Variants in CSMD2 observed in about 807,000 individuals in gnomAD.
CSMD2 encodes the protein CUB and sushi domain-containing protein 2.
In CSMD2, 130 loss-of-function variants were observed where a neutral mutation model predicts 398.5. That is an observed-to-expected ratio of 0.33 (90% CI 0.28 to 0.38). The LOEUF is 0.38. Among genes scored for constraint, CSMD2 ranks in the 10% least tolerant of loss-of-function variants. CSMD2 has a pLI of 1.00. For missense variants in CSMD2, 3,829 were observed against 4,764.9 expected (o/e 0.80, Z 5.78); for synonymous variants, 1,828 against 1,908.5 (o/e 0.96, Z 1.10).
At chr1:34,086,214 T>C (rs1309924300) in intron 2 of CSMD2, among the ~76,000 whole-genome samples, 1 of 152,062 alleles carries the variant, frequency 6.6e-6, no homozygotes, top group Non-Finnish European at 1.5e-5. Flanking sequence ...CTTTCAAACA[T>C]GCATTCAACA....
intron 2 of CSMD2, among the ~76,000 whole-genome samples, chr1:34,074,998 T>C (rs1006897191): frequency 6.6e-6 from 1 of 152,234 alleles, no homozygotes; most frequent in Non-Finnish European, 1.5e-5. Context: ...CCTGATTATT[T>C]AACTGTCTCC....
chr1:33,718,514 G>T (rs1433516907), intron 19 of CSMD2, among the ~76,000 whole-genome samples: 1 of 152,206 alleles, frequency 6.6e-6, no homozygotes, highest in Non-Finnish European at 1.5e-5. Flanking sequence ...ATGGTGCCAG[G>T]ACAGGAACTC....
intron 2 of CSMD2, among the ~76,000 whole-genome samples, chr1:34,057,375 A>G (rs1653951734): frequency 6.6e-6 from 1 of 151,822 alleles, no homozygotes; most frequent in Non-Finnish European, 1.5e-5. Context: ...CTTCTCCTAG[A>G]CCCCTAAGCC....
At chr1:33,831,646 A>C (rs919964595) in intron 6 of CSMD2, among the ~76,000 whole-genome samples, 9 of 152,146 alleles carry the variant, frequency 5.9e-5, no homozygotes, top group African/African-American at 2.2e-4. Context: ...GACAGGATCA[A>C]ATTCACACAT....
chr1:33,591,126 T>C (rs1238024614), intron 44 of CSMD2, among the ~76,000 whole-genome samples: 3 of 151,638 alleles, frequency 2.0e-5, no homozygotes, highest in Admixed American at 1.3e-4. Flanking sequence ...GTAGCTGGGA[T>C]TACAGGCATG....
chr1:33,961,570 C>T (rs945179483), intron 3 of CSMD2, among the ~76,000 whole-genome samples: 1 of 152,158 alleles, frequency 6.6e-6, no homozygotes, highest in Non-Finnish European at 1.5e-5. Flanking sequence ...CCTTCAGGGG[C>T]CTCATCAGTG....
In CSMD2 at chr1:33,636,988, AC is replaced by A. The variant is rs1172893696; in HGVS notation, c.4775-435del. On this transcript the variant is annotated intron_variant, in intron 29 of 70. Transcript: ENST00000373381. The surrounding 1 kb of genome is among the most constrained non-coding windows in gnomAD (Gnocchi z 4.8). ...CAGCCCATCACTTTACTCATCTTTG[AC>A]CCCCCACACTCAGCAGCCTCCTGGC... 1.3e-5 allele frequency among the ~76,000 whole-genome samples: 2 copies of A among 151,050 alleles called. No homozygotes were observed. Among genetic ancestry groups the A allele is most frequent in the East Asian group, 1.9e-4 (1 of 5,172 alleles).
At chr1:33,922,990 T>C (rs1457244667) in intron 4 of CSMD2, among the ~76,000 whole-genome samples, 1 of 152,246 alleles carries the variant, frequency 6.6e-6, no homozygotes, top group Admixed American at 6.5e-5. Context: ...GATATATGTA[T>C]GTATTGTGGA....
chr1:33,636,275 C>G lies in CSMD2; in HGVS notation c.4969+85G>C. 1.5e-6 allele frequency: 2 copies of G among 1,361,470 alleles called. No individual in the cohort carries two copies. The highest frequency in any genetic ancestry group is 1.4e-5 in the South Asian group (1 of 70,916). The allele number at this position is 1,361,470 out of a possible 1,614,324, so 84.3% of individuals were successfully genotyped here. ...GGAGCCGGGCTTGAGGACCTTGCCCCCCTCCCTTCCCCAGCCCACAGCACC... is the reference window on the plus strand; with the variant it reads ...GGAGCCGGGCTTGAGGACCTTGCCCGCCTCCCTTCCCCAGCCCACAGCACC... On this transcript the variant is annotated intron_variant, in intron 30 of 70. Transcript: ENST00000373381. This position sits in a 1 kb window ranked among gnomAD's most constrained non-coding sequence, Gnocchi z 4.8.
At chr1:33,676,281 G>A (rs980800511) in intron 25 of CSMD2, among the ~76,000 whole-genome samples, 18 of 152,256 alleles carry the variant, frequency 1.2e-4, no homozygotes, top group African/African-American at 4.1e-4. Context: ...CAAAATCAAT[G>A]TGCAAAAATC....
chr1:34,089,555 A>G (rs1283640619), intron 1 of CSMD2, among the ~76,000 whole-genome samples: 1 of 152,096 alleles, frequency 6.6e-6, no homozygotes, highest in African/African-American at 2.4e-5. Context: ...AACCTTCTCC[A>G]TTGTCTGCAA....
chr1:33,837,604 A>G (rs867807071), intron 6 of CSMD2, among the ~76,000 whole-genome samples: 5 of 152,250 alleles, frequency 3.3e-5, no homozygotes, highest in African/African-American at 1.2e-4. Context: ...CCATGCATAC[A>G]TGCACATTTC....
intron 2 of CSMD2, among the ~76,000 whole-genome samples, chr1:34,073,425 A>T (rs1258009310): frequency 6.6e-6 from 1 of 152,208 alleles, no homozygotes; most frequent in East Asian, 1.9e-4. Context: ...TGGATGTCCC[A>T]ATAAGCCTCA....
intron 3 of CSMD2, among the ~76,000 whole-genome samples, chr1:34,007,976 A>C (rs1647112228): frequency 1.3e-5 from 2 of 152,224 alleles, no homozygotes; most frequent in African/African-American, 4.8e-5. Context: ...GCTGGCTGTC[A>C]AAATGCAGTT....
At chr1:33,828,997 TG>T (rs1351178021) in intron 6 of CSMD2, among the ~76,000 whole-genome samples, 1 of 152,228 alleles carries the variant, frequency 6.6e-6, no homozygotes, top group Non-Finnish European at 1.5e-5. Context: ...AGCTCCATAA[TG>T]TACATATGAA....
At chr1:33,955,935 G>A (rs915231794) in intron 3 of CSMD2, among the ~76,000 whole-genome samples, 11 of 152,152 alleles carry the variant, frequency 7.2e-5, no homozygotes, top group Non-Finnish European at 1.3e-4. Flanking sequence ...AGTGCATGAT[G>A]TAGGCTGATC....
chr1:33,927,929 A>G (rs1257869647), intron 4 of CSMD2, among the ~76,000 whole-genome samples: 2 of 152,184 alleles, frequency 1.3e-5, no homozygotes, highest in African/African-American at 4.8e-5. Flanking sequence ...TGTCCAACAG[A>G]ATGACCTCAG....
chr1:34,023,652 C>T (rs1649234245), intron 3 of CSMD2, among the ~76,000 whole-genome samples: 1 of 152,026 alleles, frequency 6.6e-6, no homozygotes, highest in African/African-American at 2.4e-5. Context: ...TCCCATAAAA[C>T]CCACCATGCC....
At chr1:33,973,986 T>C (rs1645867113) in intron 3 of CSMD2, among the ~76,000 whole-genome samples, 1 of 152,180 alleles carries the variant, frequency 6.6e-6, no homozygotes, top group African/African-American at 2.4e-5. Flanking sequence ...GCCACTTCCC[T>C]TCTTCTGCTG....
Sources: gnomAD v4.1 joint callset for allele counts (sites outside exome capture counted in the v4.1 genomes callset) on GRCh38, gnomAD v4.1.1 for gene constraint, Gnocchi (gnomAD v3.1) non-coding constraint, MANE v1.5 for transcripts, NCBI Gene and HGNC (gene_info 2026-07-23, HGNC 2026-07-21) for gene names.